The following GALNT8 variants were observed in gnomAD, a reference collection of about 807,000 sequenced individuals.
GALNT8 encodes the protein polypeptide N-acetylgalactosaminyltransferase 8.
In GALNT8, 66 loss-of-function variants were observed where a neutral mutation model predicts 62.7. The observed-to-expected ratio is 1.05, with a 90% CI of 0.86 to 1.29. The LOEUF is 1.29. GALNT8 is among the 50% of genes most tolerant of loss of function. The probability of loss-of-function intolerance (pLI) is 0.00; values close to 1 mark genes in which losing one functional copy is unlikely to be tolerated. For missense variants in GALNT8, 771 were observed against 791.8 expected (o/e 0.97, Z 0.32); for synonymous variants, 288 against 294.3 (o/e 0.98, Z 0.22).
Position 4,763,843 on chromosome 12 carries a change from G to A in GALNT8, c.1498-109G>A. On this transcript the variant is annotated intron_variant, in intron 8 of 10. Coordinates refer to ENST00000252318, the MANE Select transcript of GALNT8 (RefSeq NM_017417.2). ...CCCAGCCCTCTGCTCCTTGTGGCTG[G>A]TCGTTCCTGGTGTCCTCGGTGTGTT... is the stretch of plus-strand genomic sequence containing the variant. The A allele has an allele frequency of 1.7e-5, 12 of 703,318 alleles. No homozygotes were observed. The South Asian group carries it at 1.9e-4, about 11-fold the overall frequency. 43.6% of individuals were successfully genotyped at this position (703,318 alleles called of 1,614,324 possible).
chr12:4,768,741 A>T (rs1409820327), intron 10 of GALNT8, among the ~76,000 whole-genome samples: 1 of 152,232 alleles, frequency 6.6e-6, no homozygotes, highest in Non-Finnish European at 1.5e-5. Flanking sequence ...GGTTCACTCC[A>T]TCTAATCCTT....
chr12:4,764,896 TCTTA>T (rs1946391946), intron 9 of GALNT8, among the ~76,000 whole-genome samples: 1 of 151,226 alleles, frequency 6.6e-6, no homozygotes, highest in Admixed American at 6.6e-5. Context: ...ACATCTGTCT[TCTTA>T]CTTTGCATGC....
chr12:4,746,846 C>T (rs1007390093), intron 6 of GALNT8, among the ~76,000 whole-genome samples: 1 of 152,068 alleles, frequency 6.6e-6, no homozygotes, highest in Non-Finnish European at 1.5e-5. Flanking sequence ...ATTGCTTGAG[C>T]CCAGGAGTTC....
Position 4,772,621 on chromosome 12 carries a change from GTCA to G in GALNT8, c.*28_*30del. On this transcript the variant is annotated 3_prime_UTR_variant, in exon 11 of 11. Coordinates refer to ENST00000252318, the MANE Select transcript of GALNT8 (RefSeq NM_017417.2). ...GATCCTCAGATGGTGCTGGATCTGG[GTCA>G]TCAATTCTTGCAAGTGGAATGGCTT... 1 of 1,586,950 alleles carries G rather than the reference GTCA, an allele frequency of 6.3e-7. No homozygotes were observed. The highest frequency in any genetic ancestry group is 8.6e-7 in the Non-Finnish European group (1 of 1,157,032).
At chr12:4,769,662 T>C (rs1946414428) in intron 10 of GALNT8, among the ~76,000 whole-genome samples, 1 of 151,902 alleles carries the variant, frequency 6.6e-6, no homozygotes, top group South Asian at 2.1e-4. Flanking sequence ...AGACCACATA[T>C]ACAATATTAT....
intron 10 of GALNT8, among the ~76,000 whole-genome samples, chr12:4,767,735 T>C (rs532419822): frequency 6.6e-6 from 1 of 152,342 alleles, no homozygotes; most frequent in East Asian, 1.9e-4. Flanking sequence ...TTGATGGCCT[T>C]AATCATATCT....
intron 6 of GALNT8, among the ~76,000 whole-genome samples, chr12:4,757,031 T>G (rs1208484041): frequency 6.6e-6 from 1 of 152,224 alleles, no homozygotes; most frequent in African/African-American, 2.4e-5. Flanking sequence ...TCTGATGGTT[T>G]TATAAGTGTT....
intron 6 of GALNT8, among the ~76,000 whole-genome samples, chr12:4,752,566 C>G (rs999470579): frequency 6.6e-6 from 1 of 151,394 alleles, no homozygotes; most frequent in African/African-American, 2.4e-5. Flanking sequence ...AACTCTACAC[C>G]TTGACTTTGT....
intron 6 of GALNT8, 65 bp from the exon 7 acceptor site, chr12:4,760,893 G>A (rs1294428390): frequency 5.9e-6 from 8 of 1,361,884 alleles, no homozygotes; most frequent in Admixed American, 1.8e-5. Flanking sequence ...TAGTCTTCTT[G>A]TGTCAATAAG....
intron 6 of GALNT8, 36 bp downstream of exon 6, chr12:4,746,294 A>T: frequency 8.8e-7 from 1 of 1,132,934 alleles, no homozygotes; most frequent in Non-Finnish European, 1.4e-6. Context: ...GGGACAAAGC[A>T]GAAAGGGGAA....
intron 10 of GALNT8, among the ~76,000 whole-genome samples, chr12:4,770,503 A>AC (rs1946419501): frequency 6.6e-6 from 1 of 152,086 alleles, no homozygotes; most frequent in Non-Finnish European, 1.5e-5. Flanking sequence ...ATTATTGGTC[A>AC]CAATAATTTA....
In GALNT8 at chr12:4,765,545, C is replaced by G. The variant is rs147793802; in HGVS notation, c.1760C>G (p.Pro587Arg). 58 of 1,597,920 alleles carry G rather than the reference C, an allele frequency of 3.6e-5. No individual in the cohort carries two copies. Among genetic ancestry groups the G allele is most frequent in the Non-Finnish European group, 4.9e-5 (57 of 1,172,492 alleles). ...NRLHIYWDFKPGGAVINRDTK... is the reference protein window; with the variant it reads ...NRLHIYWDFKRGGAVINRDTK... ...CTGCATATATATTGGGATTTTAAACCGGTGAGTTATGTGTTTTTGTTTGTT... is the reference window on the plus strand; with the variant it reads ...CTGCATATATATTGGGATTTTAAACGGGTGAGTTATGTGTTTTTGTTTGTT... Residue 587 changes from proline to arginine, a missense_variant and splice_region_variant, in exon 10 of 11, where the codon CCG (proline) becomes CGG (arginine). Coordinates refer to ENST00000252318, the MANE Select transcript of GALNT8 (RefSeq NM_017417.2).
At chr12:4,768,256 A>T (rs777793649) in intron 10 of GALNT8, among the ~76,000 whole-genome samples, 9 of 152,220 alleles carry the variant, frequency 5.9e-5, no homozygotes, top group Non-Finnish European at 1.3e-4. Flanking sequence ...AGTACTTAAA[A>T]ATAGTAAATA....
chr12:4,731,255 A>G (rs186627089), intron 2 of GALNT8, among the ~76,000 whole-genome samples: 14 of 152,336 alleles, frequency 9.2e-5, no homozygotes, highest in Non-Finnish European at 1.9e-4. Flanking sequence ...AAGTGTTTGT[A>G]TAGCTATCAT....
intron 3 of GALNT8, among the ~76,000 whole-genome samples, chr12:4,741,094 G>A (rs1232910817): frequency 6.6e-6 from 1 of 152,144 alleles, no homozygotes; most frequent in African/African-American, 2.4e-5. Context: ...GCTATGAAGT[G>A]GCAGCTCATT....
intron 6 of GALNT8, among the ~76,000 whole-genome samples, chr12:4,752,574 T>C (rs1946326933): frequency 6.6e-6 from 1 of 152,080 alleles, no homozygotes; most frequent in South Asian, 2.1e-4. Context: ...ACCTTGACTT[T>C]GTCCCCCCAC....
chr12:4,742,745 G>A (rs150516222), intron 3 of GALNT8, among the ~76,000 whole-genome samples: 1 of 152,208 alleles, frequency 6.6e-6, no homozygotes, highest in East Asian at 1.9e-4. Context: ...TGGAGAGCTA[G>A]GGAGCGCCGA....
At chr12:4,756,249 C>T (rs6489565) in intron 6 of GALNT8, among the ~76,000 whole-genome samples, 58,525 of 151,956 alleles carry the variant, frequency 0.39, 11,539 homozygotes, top group Admixed American at 0.44. Context: ...CATCTTTTTT[C>T]ATCTTCCAGC....
intron 6 of GALNT8, among the ~76,000 whole-genome samples, chr12:4,757,010 T>C (rs1173000732): frequency 6.6e-6 from 1 of 152,068 alleles, no homozygotes; most frequent in Non-Finnish European, 1.5e-5. Flanking sequence ...AGTGAGTGAG[T>C]TTTCACAAGA....
Sources: gnomAD v4.1 joint callset for allele counts (sites outside exome capture counted in the v4.1 genomes callset) on GRCh38, gnomAD v4.1.1 for gene constraint, MANE v1.5 for transcripts, NCBI Gene and HGNC (gene_info 2026-07-23, HGNC 2026-07-21) for gene names.